Variants in FER1L6 observed in about 807,000 individuals in gnomAD.
FER1L6 encodes fer-1-like protein 6.
FER1L6 carries 177 observed loss-of-function variants against 219.2 expected under a neutral mutation model. The observed-to-expected ratio is 0.81, with a 90% confidence interval of 0.71 to 0.91. The LOEUF (loss-of-function observed/expected upper bound fraction) is 0.91. Among genes scored for constraint, FER1L6 ranks in the 40% least tolerant of loss-of-function variants. The pLI is 0.00. For missense variants in FER1L6, 2,153 were observed against 2,259.9 expected, an observed-to-expected ratio of 0.95 and a Z score of 0.96; for synonymous variants, 768 against 824.3, an observed-to-expected ratio of 0.93 and a Z score of 1.17.
chr8:124,076,853 A>G (rs1821316922), intron 32 of FER1L6, among the ~76,000 whole-genome samples: 1 of 152,216 alleles, frequency 6.6e-6, no homozygotes, highest in African/African-American at 2.4e-5. Flanking sequence ...CTATCATATT[A>G]TTCTGTGGTT....
intron 1 of FER1L6, among the ~76,000 whole-genome samples, chr8:123,884,690 G>A (rs1293966275): frequency 3.3e-5 from 5 of 152,176 alleles, no homozygotes; most frequent in Non-Finnish European, 5.9e-5. Flanking sequence ...AAGGACACAA[G>A]CAGAGTGTAG....
chr8:123,859,315 C>G (rs1816703370), intron 1 of FER1L6, among the ~76,000 whole-genome samples: 1 of 152,066 alleles, frequency 6.6e-6, no homozygotes, highest in Admixed American at 6.6e-5. Flanking sequence ...TATTTATTTT[C>G]AATGTGATGT....
At chr8:123,868,926 A>G (rs1434064380) in intron 1 of FER1L6, among the ~76,000 whole-genome samples, 2 of 148,530 alleles carry the variant, frequency 1.3e-5, no homozygotes, top group Non-Finnish European at 2.9e-5. Flanking sequence ...TGATTTAATC[A>G]GTAGTTCAGA....
intron 1 of FER1L6, among the ~76,000 whole-genome samples, chr8:123,898,781 GTA>G (rs201509499): frequency 2.9e-5 from 4 of 135,844 alleles, no homozygotes; most frequent in Non-Finnish European, 4.6e-5. Context: ...GTATATATAC[GTA>G]TGTACATATA....
intron 33 of FER1L6, among the ~76,000 whole-genome samples, chr8:124,088,302 A>G (rs1260942504): frequency 1.3e-5 from 2 of 151,928 alleles, no homozygotes; most frequent in Non-Finnish European, 2.9e-5. Flanking sequence ...CCCCATGGCC[A>G]CCACTGCCCC....
chr8:124,106,611 T>C (rs1200907376), intron 39 of FER1L6, among the ~76,000 whole-genome samples: 1 of 152,102 alleles, frequency 6.6e-6, no homozygotes, highest in Non-Finnish European at 1.5e-5. Context: ...AGCCCCTTTC[T>C]CTGAGAAAAC....
In FER1L6 at chr8:124,045,855, A is replaced by G. The variant is rs1488973832; in HGVS notation, c.2678A>G (p.Glu893Gly). The G allele has an allele frequency of 6.2e-7, 1 of 1,614,004 alleles. No individual in the cohort carries two copies. The highest frequency in any genetic ancestry group is 8.5e-7 in the Non-Finnish European group (1 of 1,180,010). Residue 893 changes from glutamate to glycine, a missense_variant, in exon 21 of 41, where the codon GAG becomes GGG. Transcript: ENST00000522917. ...CATGGAGATGTGAAGGAGCTGGCAG[A>G]GTCCCCGCCCTTAGTGGTGGTGGAG... Reference protein sequence around the residue: ...VLHGDVKELAESPPLVVVELY... With the variant: ...VLHGDVKELAGSPPLVVVELY...
rs757292884 is a variant in FER1L6 at position 123,977,654 on chromosome 8, G to T, written c.1063+45G>T. 1.1e-5 allele frequency: 18 copies of T among 1,572,552 alleles called. No individual in the cohort carries two copies. In the East Asian group the frequency reaches 3.8e-4, roughly 34 times the overall value. Reference sequence around the variant, plus strand: ...ACTTGAAAAATGTCTCAAAATGCTTGCTTTAGAGCCCTCATCTTTAAAAGG... The same window carrying T: ...ACTTGAAAAATGTCTCAAAATGCTTTCTTTAGAGCCCTCATCTTTAAAAGG... On this transcript the variant is annotated intron_variant, in intron 10 of 40. Coordinates refer to ENST00000522917, the MANE Select transcript of FER1L6 (RefSeq NM_001039112.2).
chr8:123,979,382 G>A (rs1038497674), intron 10 of FER1L6, among the ~76,000 whole-genome samples: 1 of 152,138 alleles, frequency 6.6e-6, no homozygotes, highest in Non-Finnish European at 1.5e-5. Context: ...AATTAAAGAT[G>A]AGGCAGGTAC....
intron 5 of FER1L6, among the ~76,000 whole-genome samples, chr8:123,969,634 G>A (rs16899141): frequency 0.013 from 1,987 of 152,148 alleles, 42 homozygotes; most frequent in African/African-American, 0.044. Context: ...ATGCAAGAAT[G>A]TGATTGATAG....
rs769102239 is a variant in FER1L6 at position 124,091,559 on chromosome 8, ACTAT to A, written c.4531_4534del (p.Ile1511SerfsTer39). On this transcript the variant is annotated frameshift_variant, in exon 34 of 41. Transcript: ENST00000522917. LOFTEE classifies it high-confidence loss of function. Reference sequence around the variant, plus strand: ...AGGAAACCAAGTCTTTTCTGGAAAAACTATCTTCACTGAAGAGGACACTGGTAAC... The same window carrying A: ...AGGAAACCAAGTCTTTTCTGGAAAAACTTCACTGAAGAGGACACTGGTAAC... 6 of 1,613,920 alleles carry A rather than the reference ACTAT, an allele frequency of 3.7e-6. No homozygotes were observed. The highest frequency in any genetic ancestry group is 4.2e-6 in the Non-Finnish European group (5 of 1,179,936).
intron 1 of FER1L6, among the ~76,000 whole-genome samples, chr8:123,873,218 G>A (rs2130280638): frequency 6.6e-6 from 1 of 152,252 alleles, no homozygotes; most frequent in South Asian, 2.1e-4. Context: ...AGGCAGACTA[G>A]GACCCAGATC....
chr8:123,965,715 A>G (rs1462649674), intron 3 of FER1L6, among the ~76,000 whole-genome samples: 1 of 152,224 alleles, frequency 6.6e-6, no homozygotes, highest in Non-Finnish European at 1.5e-5. Flanking sequence ...ACTGATAATC[A>G]TATAAAAAGA....
intron 18 of FER1L6, among the ~76,000 whole-genome samples, chr8:124,030,926 G>A (rs1818936421): frequency 6.6e-6 from 1 of 152,158 alleles, no homozygotes; most frequent in African/African-American, 2.4e-5. Context: ...CGTGGGAGGT[G>A]GGGAAGGCAC....
rs556610684 is a variant in FER1L6, at chr8:124,064,294, C to T, written c.3329-53C>T. The stretch of plus-strand genomic sequence containing the variant: ...GATTCCTAGTATTAGGTCCCTGAAA[C>T]GACCACCCTGTGATGCAGCCCAGCT... On this transcript the variant is annotated intron_variant, in intron 25 of 40. Coordinates refer to ENST00000522917, the MANE Select transcript of FER1L6 (RefSeq NM_001039112.2). 14 of 1,456,136 alleles carry T rather than the reference C, an allele frequency of 9.6e-6. 1 individual carries two copies. Among genetic ancestry groups the T allele is most frequent in the African/African-American group, 2.8e-5 (2 of 71,384 alleles). The allele number at this position is 1,456,136 out of a possible 1,614,324, so 90.2% of individuals were successfully genotyped here.
chr8:123,990,887 T>TACG (rs1816825267), intron 12 of FER1L6, among the ~76,000 whole-genome samples: 1 of 152,214 alleles, frequency 6.6e-6, no homozygotes, highest in African/African-American at 2.4e-5. Context: ...CTTGAGTTGA[T>TACG]TTTTGTATAC....
chr8:123,949,315 A>G (rs947616624), intron 1 of FER1L6, among the ~76,000 whole-genome samples: 2 of 152,202 alleles, frequency 1.3e-5, no homozygotes, highest in African/African-American at 4.8e-5. Context: ...TTAGTTTAAC[A>G]TAGCACCCAT....
Position 123,950,665 on chromosome 8 carries a change from T to A in FER1L6, c.-7-5327T>A, listed in dbSNP as rs1814720630. Among the ~76,000 whole-genome samples the A allele has an allele frequency of 2.0e-5, 3 of 152,220 alleles. No individual in the cohort carries two copies. In the South Asian group the frequency reaches 6.2e-4, roughly 32 times the overall value. The stretch of plus-strand genomic sequence containing the variant: ...TTCTCAATCACTGTTTGTTGAGTTG[T>A]GATATTTGAATCTCATTATAATGCT... On this transcript the variant is annotated intron_variant, in intron 1 of 40. Transcript: ENST00000522917.
intron 1 of FER1L6, among the ~76,000 whole-genome samples, chr8:123,948,631 A>G (rs796176178): frequency 7.9e-5 from 12 of 152,282 alleles, no homozygotes; most frequent in Admixed American, 4.6e-4. Flanking sequence ...TTGTTTTTGT[A>G]TAAAGAGGTA....
Sources: allele counts gnomAD v4.1 joint callset (sites outside exome capture counted in the v4.1 genomes callset), GRCh38; gene constraint gnomAD v4.1.1; transcripts MANE v1.5; gene names NCBI Gene and HGNC (gene_info 2026-07-23, HGNC 2026-07-21).